Variants in TTC21A observed in about 807,000 individuals in gnomAD.
The protein encoded by TTC21A is tetratricopeptide repeat domain 21A.
In TTC21A, 128 loss-of-function variants were observed where a neutral mutation model predicts 156.4. The observed-to-expected ratio is 0.82, with a 90% CI of 0.71 to 0.95. TTC21A has a LOEUF of 0.95. Among genes scored for constraint, TTC21A ranks in the 40% least tolerant of loss-of-function variants. The pLI is 0.00. For synonymous variants in TTC21A, 587 were observed against 617.1 expected (o/e 0.95, Z 0.72); for missense variants, 1,435 against 1,602.3 (o/e 0.90, Z 1.78).
chr3:39,112,655 C>T (rs2036934022), intron 5 of TTC21A, 75 bp downstream of exon 5: 2 of 1,577,342 alleles, frequency 1.3e-6, no homozygotes, highest in Admixed American at 3.6e-5. Context: ...CAGGTACCCC[C>T]AGGCCAAACC....
intron 1 of TTC21A, 137 bp downstream of exon 1, chr3:39,108,001 C>T (rs2036376194): frequency 5.7e-6 from 6 of 1,061,690 alleles, no homozygotes; most frequent in Non-Finnish European, 6.8e-6. Flanking sequence ...TCTTGCCCCA[C>T]TCCCCCTGGC....
intron 20 of TTC21A, among the ~76,000 whole-genome samples, chr3:39,133,938 G>A (rs888465608): frequency 5.9e-5 from 9 of 152,150 alleles, no homozygotes; most frequent in African/African-American, 2.2e-4. Flanking sequence ...CCCAGAGTCT[G>A]GGGCACAGAG....
At position 39,110,057 on chromosome 3, in the gene TTC21A, G is replaced by A. The variant is rs1325267656; in HGVS notation, c.186G>A (p.Leu62=). ...EEHIQDAISD[L]ESIRHHPDVS... ...ACATCCAGGATGCCATCAGTGACCTGGAAAGCATCAGGCATCACCCAGACG... is the reference window on the plus strand; with the variant it reads ...ACATCCAGGATGCCATCAGTGACCTAGAAAGCATCAGGCATCACCCAGACG... The change falls in exon 3 of 29, where the codon CTG becomes CTA. Residue 62 remains leucine, a synonymous_variant. Transcript: ENST00000683103. 2 of 1,614,072 alleles carry A rather than the reference G, an allele frequency of 1.2e-6. No homozygotes were observed. The highest frequency in any genetic ancestry group is 1.1e-5 in the South Asian group (1 of 91,072).
intron 3 of TTC21A, among the ~76,000 whole-genome samples, chr3:39,110,611 G>T (rs1287319960): frequency 6.6e-6 from 1 of 152,238 alleles, no homozygotes; most frequent in Non-Finnish European, 1.5e-5. Context: ...ACAGAGAAGA[G>T]AAGGTAATCT....
chr3:39,134,204 C>T lies in TTC21A; in HGVS notation c.2752-14C>T, dbSNP rs368494927. The stretch of plus-strand genomic sequence containing the variant: ...TGTTTACTAGTTAGTTTATTATATC[C>T]GGCCTTGTCCCAGGTGATGCTGGAG... On this transcript the variant is annotated splice_polypyrimidine_tract_variant and intron_variant, in intron 20 of 28. Transcript: ENST00000683103. This position sits in a 1 kb window ranked among gnomAD's most constrained non-coding sequence, Gnocchi z 4.6. The T allele has an allele frequency of 1.9e-5, 30 of 1,584,312 alleles. No individual in the cohort carries two copies. The highest frequency in any genetic ancestry group is 2.3e-5 in the Non-Finnish European group (27 of 1,153,180).
At chr3:39,126,526 C>T in intron 12 of TTC21A, 136 bp downstream of exon 12, 2 of 849,560 alleles carry the variant, frequency 2.4e-6, no homozygotes, top group South Asian at 1.6e-5. Context: ...ACACACTCTC[C>T]TTGCCTGGGG....
rs2039302889 is a variant in TTC21A, at chr3:39,138,457, A to C, written c.3796+70A>C. 3 of 1,613,146 alleles carry C rather than the reference A, an allele frequency of 1.9e-6. No individual in the cohort carries two copies. The South Asian group carries it at 3.3e-5, about 18-fold the overall frequency. On this transcript the variant is annotated intron_variant, in intron 27 of 28. Coordinates refer to ENST00000683103, the MANE Select transcript of TTC21A (RefSeq NM_001366900.1). ...GGTGGGCAGGAGGGCCCCCACCATG[A>C]CCCCAGAACTCAAGGCCTGTACCCT...
intron 9 of TTC21A, among the ~76,000 whole-genome samples, chr3:39,121,806 C>G (rs1427749120): frequency 6.6e-6 from 1 of 152,138 alleles, no homozygotes; most frequent in African/African-American, 2.4e-5. Context: ...GTCCAGTGCT[C>G]AAGGCAGGCC....
intron 6 of TTC21A, among the ~76,000 whole-genome samples, chr3:39,116,156 A>G (rs948523049): frequency 1.3e-5 from 2 of 152,264 alleles, no homozygotes; most frequent in Non-Finnish European, 1.5e-5. Context: ...GCAGGGAGAC[A>G]GTGTGTGGGG....
Position 39,114,661 on chromosome 3 carries a change from G to A in TTC21A, c.635G>A (p.Ser212Asn). 1.9e-6 allele frequency: 3 copies of A among 1,614,216 alleles called. No individual in the cohort carries two copies. The highest frequency in any genetic ancestry group is 1.1e-5 in the South Asian group (1 of 91,082). ...VVNQITVTSG[S>N]FLPALVLKMQ... ...AACCAGATCACTGTGACTTCAGGGA[G>A]CTTCCTGCCAGCCCTCGTCCTGAAG... The change falls in exon 6 of 29, where the codon AGC becomes AAC. Residue 212 changes from serine (S) to asparagine (N), a missense_variant. Physicochemically the swap from Ser to Asn is conservative, Grantham distance 46 (BLOSUM62 1). Transcript: ENST00000683103.
Position 39,137,014 on chromosome 3 carries a change from G to A in TTC21A, c.3211G>A (p.Glu1071Lys), listed in dbSNP as rs200706184. ...MVQICLNPDN[E>K]VVGGEAFENQ... ...GCAGATCTGTCTGAATCCAGACAAC[G>A]AGGTTGTGGGCGGAGAGGCTTTTGA... The change falls in exon 24 of 29, where the codon GAG becomes AAG. Residue 1071 changes from glutamate (E) to lysine (K), a missense_variant. By Grantham distance (56) the Glu-to-Lys change is moderately conservative. Transcript: ENST00000683103. 2.5e-4 allele frequency: 403 copies of A among 1,613,784 alleles called. No individual in the cohort carries two copies. The highest frequency in any genetic ancestry group is 1.3e-3 in the Middle Eastern group (8 of 6,080).
intron 11 of TTC21A, among the ~76,000 whole-genome samples, chr3:39,125,785 A>T (rs1443119523): frequency 6.6e-6 from 1 of 152,204 alleles, no homozygotes; most frequent in East Asian, 1.9e-4. Flanking sequence ...CTCCCAAGTG[A>T]TATGGATGCT....
Position 39,134,389 on chromosome 3 carries a change from ACCAGATGC to A in TTC21A, c.2862+62_2862+69del. 5 of 1,201,688 alleles carry A rather than the reference ACCAGATGC, an allele frequency of 4.2e-6. No individual in the cohort carries two copies. Among genetic ancestry groups the A allele is most frequent in the Non-Finnish European group, 6.2e-6 (5 of 803,728 alleles). 74.4% of individuals were successfully genotyped at this position (1,201,688 alleles called of 1,614,324 possible). On this transcript the variant is annotated intron_variant, in intron 21 of 28. Transcript: ENST00000683103. This position sits in a 1 kb window ranked among gnomAD's most constrained non-coding sequence, Gnocchi z 4.6. ...TTCCTCCCTTCCCAGGGTCCCTGTG[ACCAGATGC>A]AGGCTACTTCCTAGCCCCGTAACCT...
chr3:39,126,543 GCA>G (rs199608452), intron 12 of TTC21A, among the ~76,000 whole-genome samples, 153 bp downstream of exon 12: 8 of 94,702 alleles, frequency 8.4e-5, no homozygotes, highest in South Asian at 3.6e-4. Flanking sequence ...GGGGTACTAC[GCA>G]CACACACACA....
Position 39,110,010 on chromosome 3 carries a change from A to G in TTC21A, c.158-19A>G, listed in dbSNP as rs962373980. 1 of 1,585,998 alleles carries G rather than the reference A, an allele frequency of 6.3e-7. No individual in the cohort carries two copies. The highest frequency in any genetic ancestry group is 2.2e-5 in the East Asian group (1 of 44,772). On this transcript the variant is annotated intron_variant, in intron 2 of 28. Coordinates refer to ENST00000683103, the MANE Select transcript of TTC21A (RefSeq NM_001366900.1). The stretch of plus-strand genomic sequence containing the variant: ...AGTCCTGGAGCTTGAGAGTATAACT[A>G]TGTGGACTGTCTTTGCAGAGCACAT...
intron 6 of TTC21A, among the ~76,000 whole-genome samples, chr3:39,115,569 G>A (rs1385842209): frequency 6.6e-6 from 1 of 152,172 alleles, no homozygotes; most frequent in Admixed American, 6.5e-5. Context: ...GGGAGGCTGA[G>A]GCAGGAGAAT....
Position 39,134,242 on chromosome 3 carries a change from T to C in TTC21A, c.2776T>C (p.Tyr926His). Residue 926 changes from tyrosine to histidine, a missense_variant, in exon 21 of 29, where the codon TAC (tyrosine) becomes CAC (histidine). Coordinates refer to ENST00000683103, the MANE Select transcript of TTC21A (RefSeq NM_001366900.1). This position sits in a 1 kb window ranked among gnomAD's most constrained non-coding sequence, Gnocchi z 4.6. ...NKVMLELAQL[Y>H]LLQGHLDLCE... ...GGTGATGCTGGAGCTGGCGCAGCTC[T>C]ACCTGCTCCAGGGGCACCTGGACCT... The C allele has an allele frequency of 6.2e-7, 1 of 1,613,678 alleles. No homozygotes were observed. The highest frequency in any genetic ancestry group is 8.5e-7 in the Non-Finnish European group (1 of 1,179,622).
Position 39,110,101 on chromosome 3 carries a change from T to A in TTC21A, c.230T>A (p.Met77Lys). The A allele has an allele frequency of 6.2e-7, 1 of 1,614,146 alleles. No individual in the cohort carries two copies. Among genetic ancestry groups the A allele is most frequent in the East Asian group, 2.2e-5 (1 of 44,886 alleles). Residue 77 changes from methionine (M) to lysine (K), a missense_variant, in exon 3 of 29, where the codon ATG (methionine) becomes AAG (lysine). By Grantham distance (95) the Met-to-Lys change is moderately conservative (BLOSUM62 -1). Transcript: ENST00000683103. The stretch of plus-strand genomic sequence containing the variant: ...CCAGACGTGTCCCTGTGCTCCACCA[T>A]GGCCCTCATTTATGCTCACAAAAGA... The part of the protein sequence containing the change: ...HHPDVSLCST[M>K]ALIYAHKRCE...
At chr3:39,135,233 C>A in intron 22 of TTC21A, 59 bp downstream of exon 22, 1 of 1,453,608 alleles carries the variant, frequency 6.9e-7, no homozygotes, top group Non-Finnish European at 9.7e-7. Flanking sequence ...GCCGCTCTCC[C>A]AGAGAAGGGT....
Sources: gnomAD v4.1 joint callset for allele counts (sites outside exome capture counted in the v4.1 genomes callset) on GRCh38, gnomAD v4.1.1 for gene constraint, Gnocchi (gnomAD v3.1) non-coding constraint, MANE v1.5 for transcripts, NCBI Gene and HGNC (gene_info 2026-07-23, HGNC 2026-07-21) for gene names.